The following ZNF625 variants were observed in gnomAD, a reference collection of about 807,000 sequenced individuals.
The protein encoded by ZNF625 is zinc finger protein 625.
ZNF625 carries 8 observed loss-of-function variants against 11.1 expected under a neutral mutation model. The observed-to-expected ratio is 0.72, with a 90% CI of 0.42 to 1.30. The LOEUF is 1.30. ZNF625 is among the 50% of genes most tolerant of loss of function. The pLI, the probability that ZNF625 is intolerant of heterozygous loss-of-function variation, is 0.01. For missense variants in ZNF625, 349 were observed against 447.6 expected, an observed-to-expected ratio of 0.78 and a Z score of 1.99; for synonymous variants, 145 against 153.4, an observed-to-expected ratio of 0.95 and a Z score of 0.41.
At position 12,146,006 on chromosome 19, in the gene ZNF625, C is replaced by T. The variant is rs769589195; in HGVS notation, c.410G>A (p.Cys137Tyr). ...ACTGAAGGCTTTCTTACAGTATGTA[C>T]ATTTATATGGCTTCTGTCCATATTC... ...YQEYGQKPYK[C>Y]TYCKKAFSDL... is the part of the protein sequence containing the mutation. The change falls in exon 4 of 4, where the codon TGT (cysteine) becomes TAT (tyrosine). Residue 137 changes from cysteine (C) to tyrosine (Y), a missense_variant. Transcript: ENST00000439556. 6 of 1,614,190 alleles carry T rather than the reference C, an allele frequency of 3.7e-6. No individual in the cohort carries two copies. Among genetic ancestry groups the T allele is most frequent in the Non-Finnish European group, 8.5e-7 (1 of 1,180,034 alleles).
chr19:12,154,506 TA>T (rs1160655233), intron 1 of ZNF625, among the ~76,000 whole-genome samples: 1 of 152,202 alleles, frequency 6.6e-6, no homozygotes, highest in Non-Finnish European at 1.5e-5. Context: ...GTCAAGAGTT[TA>T]ACTTTTAGCT....
At position 12,156,707 on chromosome 19, in the gene ZNF625, C is replaced by A; in HGVS notation, c.-149G>T. 2.8e-6 allele frequency: 2 copies of A among 714,028 alleles called. No homozygotes were observed. The highest frequency in any genetic ancestry group is 3.9e-6 in the Non-Finnish European group (2 of 511,878). 44.2% of individuals were successfully genotyped at this position (714,028 alleles called of 1,614,324 possible). ...CCGAGATCCCGACCTCCCTTTGGTG[C>A]AAGACGCCTGGGAGTCAGGAAAGCG... On this transcript the variant is annotated 5_prime_UTR_variant, in exon 1 of 4. Coordinates refer to ENST00000439556, the MANE Select transcript of ZNF625 (RefSeq NM_145233.4).
At chr19:12,154,731 A>G (rs186203840) in intron 1 of ZNF625, among the ~76,000 whole-genome samples, 2 of 152,288 alleles carry the variant, frequency 1.3e-5, no homozygotes, top group African/African-American at 2.4e-5. Flanking sequence ...TTCAACCTGT[A>G]AACTAAAAAT....
intron 1 of ZNF625, among the ~76,000 whole-genome samples, chr19:12,156,288 C>T (rs1289062229): frequency 1.4e-4 from 22 of 152,208 alleles, no homozygotes; most frequent in Admixed American, 1.4e-3. Context: ...GGACTACGGG[C>T]GCGGAGCTCC....
intron 1 of ZNF625, among the ~76,000 whole-genome samples, chr19:12,152,569 G>A (rs1976970791): frequency 6.6e-6 from 1 of 152,152 alleles, no homozygotes; most frequent in Non-Finnish European, 1.5e-5. Flanking sequence ...TCGGCCGGGT[G>A]CAGTGGCTCA....
Position 12,145,721 on chromosome 19 carries a change from C to T in ZNF625, c.695G>A (p.Gly232Asp). 6.2e-7 allele frequency: 1 copy of T among 1,613,550 alleles called. No homozygotes were observed. The highest frequency in any genetic ancestry group is 8.5e-7 in the Non-Finnish European group (1 of 1,179,914). ...KQCGKAFSHS[G>D]SLRIHERTHT... ...AGTTCTTTCATGTATTCGAAGGCTA[C>T]CAGAATGACTAAAGGCTTTACCACA... is the stretch of plus-strand genomic sequence containing the variant. The change falls in exon 4 of 4, where the codon GGT becomes GAT. Residue 232 changes from glycine to aspartate, a missense_variant. By Grantham distance (94) the Gly-to-Asp change is moderately conservative. Coordinates refer to ENST00000439556, the MANE Select transcript of ZNF625 (RefSeq NM_145233.4).
chr19:12,151,375 T>TA (rs1976953032), intron 1 of ZNF625, among the ~76,000 whole-genome samples: 1 of 137,522 alleles, frequency 7.3e-6, no homozygotes, highest in African/African-American at 3.0e-5. Context: ...CACACCTGGG[T>TA]AATTTTTTTT....
intron 1 of ZNF625, among the ~76,000 whole-genome samples, chr19:12,152,498 A>G (rs934979354): frequency 1.3e-5 from 2 of 152,104 alleles, no homozygotes; most frequent in African/African-American, 4.8e-5. Flanking sequence ...ACACAAGAAC[A>G]TCATAATAGA....
Position 12,147,748 on chromosome 19 carries a change from A to G in ZNF625, c.58T>C (p.Leu20=), listed in dbSNP as rs771078579. ...AGATTCTTCTGGGAAGGATCCAGCA[A>G]AGCCCACTCCTCCTGGGTGAAGTTC... The part of the protein sequence containing the change: ...DVNFTQEEWA[L]LDPSQKNLYR... The change falls in exon 2 of 4, where the codon TTG becomes CTG. Residue 20 remains leucine (L), a synonymous_variant. Transcript: ENST00000439556. The G allele has an allele frequency of 8.7e-6, 14 of 1,614,014 alleles. No homozygotes were observed. Among genetic ancestry groups the G allele is most frequent in the Non-Finnish European group, 1.0e-5 (12 of 1,180,026 alleles).
chr19:12,147,792 A>G lies in ZNF625; in HGVS notation c.14T>C (p.Val5Ala). 6.2e-7 allele frequency: 1 copy of G among 1,614,002 alleles called. No homozygotes were observed. The highest frequency in any genetic ancestry group is 2.2e-5 in the East Asian group (1 of 44,870). The change falls in exon 2 of 4, where the codon GTC (valine) becomes GCC (alanine). Residue 5 changes from valine to alanine, a missense_variant. Coordinates refer to ENST00000439556, the MANE Select transcript of ZNF625 (RefSeq NM_145233.4). MDSV[V>A]FEDVDVNFTQ... ...GAAGTTCACATCTACATCCTCAAAG[A>G]CCACTGAATCCTGAAACATCCCACA...
chr19:12,149,951 C>T (rs1364256388), intron 1 of ZNF625, among the ~76,000 whole-genome samples: 1 of 152,112 alleles, frequency 6.6e-6, no homozygotes, highest in Non-Finnish European at 1.5e-5. Context: ...GTTGGTCAGG[C>T]TAGTCTTGAA....
At chr19:12,154,498 C>G (rs1407626275) in intron 1 of ZNF625, among the ~76,000 whole-genome samples, 1 of 152,174 alleles carries the variant, frequency 6.6e-6, no homozygotes, top group Non-Finnish European at 1.5e-5. Context: ...TGCACTAGGT[C>G]AAGAGTTTAA....
At chr19:12,154,770 A>G (rs1436416545) in intron 1 of ZNF625, among the ~76,000 whole-genome samples, 2 of 152,260 alleles carry the variant, frequency 1.3e-5, no homozygotes, top group Non-Finnish European at 2.9e-5. Flanking sequence ...TCCCACCCCA[A>G]TCAAGTCAAC....
rs115244648 is a variant in ZNF625 at position 12,145,380 on chromosome 19, C to T, written c.1036G>A (p.Val346Ile). The T allele has an allele frequency of 2.1e-4, 338 of 1,613,934 alleles. No individual in the cohort carries two copies. The African/African-American group carries it at 3.5e-3, about 17-fold the overall frequency. The part of the protein sequence containing the change: ...CGKAFGCASS[V>I]KIHERTHTGE... Reference sequence around the variant, plus strand: ...GTGTGAGTCCTTTCATGGATTTTAACGCTCGAGGCACATCCAAAGGCTTTA... The same window carrying T: ...GTGTGAGTCCTTTCATGGATTTTAATGCTCGAGGCACATCCAAAGGCTTTA... The change falls in exon 4 of 4, where the codon GTT becomes ATT. Residue 346 changes from valine to isoleucine, a missense_variant. Transcript: ENST00000439556.
In ZNF625 at chr19:12,147,951, C is replaced by CA. The variant is rs1976900291; in HGVS notation, c.4-150dup. 6 of 864,830 alleles carry CA rather than the reference C, an allele frequency of 6.9e-6. No homozygotes were observed. In the Admixed American group the frequency reaches 1.8e-4, roughly 25 times the overall value. The allele number at this position is 864,830 out of a possible 1,614,324, so 53.6% of individuals were successfully genotyped here. A position where few individuals can be genotyped will look rare whatever the true frequency, so the allele number is the denominator to read the frequency against. On this transcript the variant is annotated intron_variant, in intron 1 of 3. Transcript: ENST00000439556. The stretch of plus-strand genomic sequence containing the variant: ...TCAGACTTTTTACTCTGTCAACACT[C>CA]ACTCTTCCATAAAGAAATTCTTTTT...
chr19:12,156,539 C>A lies in ZNF625; in HGVS notation c.3+17G>T. 7.0e-7 allele frequency: 1 copy of A among 1,427,094 alleles called. No individual in the cohort carries two copies. The highest frequency in any genetic ancestry group is 1.6e-5 in the South Asian group (1 of 63,006). The allele number at this position is 1,427,094 out of a possible 1,614,324, so 88.4% of individuals were successfully genotyped here. On this transcript the variant is annotated intron_variant, in intron 1 of 3. Transcript: ENST00000439556. The stretch of plus-strand genomic sequence containing the variant: ...GGCCCCTCCCCCGTCTCGGGACCCC[C>A]GGCCCCGCACACTCACCATTTCCCG...
chr19:12,146,762 G>A (rs1429609580), intron 3 of ZNF625, among the ~76,000 whole-genome samples: 1 of 152,070 alleles, frequency 6.6e-6, no homozygotes, highest in East Asian at 1.9e-4. Context: ...TATTTTACAA[G>A]TACTAACTGT....
intron 1 of ZNF625, among the ~76,000 whole-genome samples, chr19:12,153,523 A>G (rs988142349): frequency 2.6e-5 from 4 of 151,670 alleles, no homozygotes; most frequent in African/African-American, 7.3e-5. Flanking sequence ...TGTCTCTACT[A>G]AAAATACAAA....
intron 1 of ZNF625, among the ~76,000 whole-genome samples, chr19:12,155,681 C>T (rs188033013): frequency 1.3e-5 from 2 of 152,308 alleles, no homozygotes; most frequent in African/African-American, 4.8e-5. Flanking sequence ...CGGCGTAGAA[C>T]ATAGTTCAAG....
Sources: gnomAD v4.1 joint callset for allele counts (sites outside exome capture counted in the v4.1 genomes callset) on GRCh38, gnomAD v4.1.1 for gene constraint, MANE v1.5 for transcripts, NCBI Gene and HGNC (gene_info 2026-07-23, HGNC 2026-07-21) for gene names.